KLHL13: variants seen among roughly 807,000 people sequenced by gnomAD.
The protein encoded by KLHL13 is kelch like family member 13.
A neutral mutation model predicts 37.1 loss-of-function variants in KLHL13; 10 were observed. That is an observed-to-expected ratio of 0.27 (90% CI 0.17 to 0.46). The LOEUF (loss-of-function observed/expected upper bound fraction) is 0.46. Among genes scored for constraint, KLHL13 ranks in the 20% least tolerant of loss-of-function variants. The probability of loss-of-function intolerance (pLI) is 1.00; values close to 1 mark genes in which losing one functional copy is unlikely to be tolerated. For missense variants in KLHL13, 360 were observed against 509.3 expected (o/e 0.71, Z 2.82); for synonymous variants, 163 against 181.2 (o/e 0.90, Z 0.81).
chrX:117,964,298 T>C (rs1291004263), intron 1 of KLHL13, among the ~76,000 whole-genome samples: 1 of 112,534 alleles, frequency 8.9e-6, no homozygotes, highest in African/African-American at 3.2e-5. Context: ...CAAATTTTTC[T>C]TCTGAGGTGT....
intron 1 of KLHL13, among the ~76,000 whole-genome samples, chrX:118,069,188 T>C (rs1353788085): frequency 9.5e-6 from 1 of 105,118 alleles, no homozygotes; most frequent in Non-Finnish European, 1.9e-5. Context: ...CCCTTGGGAG[T>C]TGGTGCCTTT....
At chrX:117,951,318 A>C (rs1164516714) in intron 1 of KLHL13, among the ~76,000 whole-genome samples, 1 of 112,339 alleles carries the variant, frequency 8.9e-6, no homozygotes, top group East Asian at 2.8e-4. Flanking sequence ...AATGTCATTT[A>C]TAGTATCATT....
At chrX:118,068,745 C>T (rs1159129970) in intron 1 of KLHL13, among the ~76,000 whole-genome samples, 1 of 111,469 alleles carries the variant, frequency 9.0e-6, no homozygotes, top group Non-Finnish European at 1.9e-5. Flanking sequence ...TAGAGTATGT[C>T]TTGCCCCAGG....
chrX:117,973,646 G>T (rs969534027), exon 1 of KLHL13: 4 of 870,842 alleles, frequency 4.6e-6, no homozygotes, highest in Non-Finnish European at 4.2e-6. Context: ...AAGCTGAGAT[G>T]AGCAAAATCT....
chrX:118,094,683 G>T (rs1476184275), intron 1 of KLHL13, among the ~76,000 whole-genome samples: 1 of 111,944 alleles, frequency 8.9e-6, no homozygotes, highest in Admixed American at 9.5e-5. Context: ...CAGACTAACA[G>T]CTGATCTCTC....
At chrX:117,964,159 A>T (rs1046564542) in intron 1 of KLHL13, among the ~76,000 whole-genome samples, 3 of 102,815 alleles carry the variant, frequency 2.9e-5, no homozygotes, top group Non-Finnish European at 5.9e-5. Context: ...AACCTGCACA[A>T]TGTGCACATG....
chrX:117,928,658 T>C (rs1348675329), intron 2 of KLHL13, among the ~76,000 whole-genome samples: 2 of 111,221 alleles, frequency 1.8e-5, no homozygotes. Context: ...TAAATGAAAA[T>C]ATAACATCAA....
chrX:118,059,170 C>T (rs1229085857), intron 1 of KLHL13, among the ~76,000 whole-genome samples: 1 of 111,889 alleles, frequency 8.9e-6, no homozygotes, highest in African/African-American at 3.2e-5. Flanking sequence ...GATCCTACAG[C>T]ATCTCTAAAA....
intron 1 of KLHL13, among the ~76,000 whole-genome samples, chrX:118,057,588 A>C (rs973650466): frequency 4.6e-4 from 51 of 111,988 alleles, no homozygotes; most frequent in African/African-American, 1.6e-3. Flanking sequence ...TGGGAGGCCA[A>C]GGTGGGTGGA....
At chrX:117,991,103 A>T (rs1419241869) in intron 1 of KLHL13, among the ~76,000 whole-genome samples, 7 of 102,164 alleles carry the variant, frequency 6.9e-5, no homozygotes, top group Non-Finnish European at 1.3e-4. Context: ...TTTTTGGGGT[A>T]TGTTTGGAAA....
chrX:117,939,928 A>C (rs1290499080), intron 2 of KLHL13, among the ~76,000 whole-genome samples: 4 of 111,649 alleles, frequency 3.6e-5, no homozygotes, highest in African/African-American at 1.3e-4. Context: ...TTTGGTGTGC[A>C]GAAGCTCTTT....
At chrX:118,089,501 G>C (rs1039335100) in intron 1 of KLHL13, among the ~76,000 whole-genome samples, 12 of 106,395 alleles carry the variant, frequency 1.1e-4, no homozygotes, top group African/African-American at 3.5e-4. Context: ...TCCCTCCCCT[G>C]ACACAGCAGT....
chrX:117,954,707 T>G (rs777055254), intron 1 of KLHL13, among the ~76,000 whole-genome samples: 253 of 112,034 alleles, frequency 2.3e-3, no homozygotes, highest in African/African-American at 7.6e-3. Context: ...AAACAGCATG[T>G]GCTCCCATCA....
intron 1 of KLHL13, among the ~76,000 whole-genome samples, chrX:118,027,723 G>A (rs2148024140): frequency 9.1e-6 from 1 of 109,655 alleles, no homozygotes; most frequent in African/African-American, 3.3e-5. Flanking sequence ...CAACAACCCT[G>A]CAATGTAGGT....
intron 1 of KLHL13, among the ~76,000 whole-genome samples, chrX:118,089,665 A>AGAAAGAAG (rs2055105048): frequency 1.8e-5 from 2 of 108,798 alleles, no homozygotes; most frequent in East Asian, 5.9e-4. Flanking sequence ...AAAGAAAGAA[A>AGAAAGAAG]GAAAAAAGAA....
intron 1 of KLHL13, among the ~76,000 whole-genome samples, chrX:117,964,404 G>A (rs1444382668): frequency 9.0e-6 from 1 of 111,608 alleles, no homozygotes; most frequent in Non-Finnish European, 1.9e-5. Context: ...CACAGCAGGA[G>A]AATAAATTAA....
chrX:117,963,742 T>G (rs1447902346), intron 1 of KLHL13, among the ~76,000 whole-genome samples: 3 of 99,220 alleles, frequency 3.0e-5, no homozygotes, highest in African/African-American at 1.1e-4. Flanking sequence ...GTTTCCTGAC[T>G]TTTTAATGAT....
chrX:117,930,330 A>AAGGCAGGCAGGCAGGCAGGCAGGCAGGC (rs1569418681), intron 2 of KLHL13, among the ~76,000 whole-genome samples: 1 of 98,735 alleles, frequency 1.0e-5, no homozygotes, highest in African/African-American at 4.2e-5. Context: ...GGAAGGCAGG[A>AAGGCAGGCAGGCAGGCAGGCAGGCAGGC]AGGCAGGAAG....
At chrX:117,942,099 C>T (rs1933068902) in intron 2 of KLHL13, among the ~76,000 whole-genome samples, 1 of 111,728 alleles carries the variant, frequency 9.0e-6, no homozygotes. Flanking sequence ...ACCCAGTAGT[C>T]ATTCAGGAGC....
Sources: allele counts gnomAD v4.1 joint callset (sites outside exome capture counted in the v4.1 genomes callset), GRCh38; gene constraint gnomAD v4.1.1; transcripts MANE v1.5; gene names NCBI Gene and HGNC (gene_info 2026-07-23, HGNC 2026-07-21).